The following KCND3 variants were observed in gnomAD, a reference collection of about 807,000 sequenced individuals.
KCND3 encodes the protein A-type voltage-gated potassium channel KCND3.
In KCND3, 9 loss-of-function variants were observed where a neutral mutation model predicts 51.1. The observed-to-expected ratio is 0.18, with a 90% CI of 0.11 to 0.31. The LOEUF is 0.31. Among genes scored for constraint, KCND3 ranks in the 10% least tolerant of loss-of-function variants. The probability of loss-of-function intolerance (pLI) is 1.00; values close to 1 mark genes in which losing one functional copy is unlikely to be tolerated. For synonymous variants in KCND3, 349 were observed against 368.0 expected (o/e 0.95, Z 0.59); for missense variants, 526 against 903.8 (o/e 0.58, Z 5.36).
Position 111,780,175 on chromosome 1 carries a change from AAGGGTC to A in KCND3, c.1461+44_1461+49del. The A allele has an allele frequency of 1.3e-6, 2 of 1,505,296 alleles. No individual in the cohort carries two copies. Among genetic ancestry groups the A allele is most frequent in the Non-Finnish European group, 1.8e-6 (2 of 1,104,922 alleles). 93.2% of individuals were successfully genotyped at this position (1,505,296 alleles called of 1,614,324 possible). On this transcript the variant is annotated intron_variant, in intron 5 of 7. Coordinates refer to ENST00000302127, the MANE Select transcript of KCND3 (RefSeq NM_001378969.1). The surrounding 1 kb of genome is among the most constrained non-coding windows in gnomAD (Gnocchi z 4.2). Reference sequence around the variant, plus strand: ...TGAAGATGTGAGTACAGCCTTAGAAAAGGGTCAGGGTCAGCGATGAAAAGGAGGTGG... The same window carrying A: ...TGAAGATGTGAGTACAGCCTTAGAAAAGGGTCAGCGATGAAAAGGAGGTGG...
chr1:111,848,456 C>A (rs1667662482), intron 2 of KCND3, among the ~76,000 whole-genome samples: 1 of 152,206 alleles, frequency 6.6e-6, no homozygotes, highest in Non-Finnish European at 1.5e-5. Context: ...TCCTGTCCCC[C>A]TCCCCTAGGT....
At chr1:111,894,220 C>T (rs1333972125) in intron 2 of KCND3, among the ~76,000 whole-genome samples, 7 of 152,184 alleles carry the variant, frequency 4.6e-5, no homozygotes, top group African/African-American at 7.2e-5. Context: ...TCCAGCCTCA[C>T]GGCCTCCCTC....
At chr1:111,831,434 C>T (rs981306981) in intron 2 of KCND3, among the ~76,000 whole-genome samples, 25 of 152,146 alleles carry the variant, frequency 1.6e-4, no homozygotes, top group African/African-American at 6.0e-4. Flanking sequence ...CTCCTGCTCC[C>T]ACCATGTAAG....
At chr1:111,933,960 C>A (rs1049097711) in intron 2 of KCND3, among the ~76,000 whole-genome samples, 12 of 152,198 alleles carry the variant, frequency 7.9e-5, no homozygotes, top group African/African-American at 2.9e-4. Context: ...AGGCACAGAT[C>A]AAGCATCTGT....
chr1:111,884,229 G>T (rs1373291), intron 2 of KCND3, among the ~76,000 whole-genome samples: 37,508 of 152,100 alleles, frequency 0.25, 4,874 homozygotes, highest in East Asian at 0.44. Context: ...CTTCTTTAAA[G>T]TTTCAACTCA....
At chr1:111,988,447 C>T (rs1011797217) in intron 1 of KCND3, among the ~76,000 whole-genome samples, 2 of 152,144 alleles carry the variant, frequency 1.3e-5, no homozygotes, top group Non-Finnish European at 2.9e-5. Context: ...TGTATACTTG[C>T]ATTTTGTTGC....
intron 2 of KCND3, among the ~76,000 whole-genome samples, chr1:111,887,696 A>G (rs1301168865): frequency 6.6e-6 from 1 of 152,206 alleles, no homozygotes; most frequent in Non-Finnish European, 1.5e-5. Flanking sequence ...GCCAGCATAT[A>G]GCTTTATCAA....
chr1:111,778,641 C>T (rs1444904197), intron 5 of KCND3, 149 bp from the exon 6 acceptor site: 2 of 793,786 alleles, frequency 2.5e-6, no homozygotes, highest in African/African-American at 1.7e-5. Flanking sequence ...ATTCTGCCCC[C>T]TTCCTCCCAA....
intron 2 of KCND3, among the ~76,000 whole-genome samples, chr1:111,977,942 A>C (rs1413488023): frequency 6.6e-6 from 1 of 152,166 alleles, no homozygotes; most frequent in African/African-American, 2.4e-5. Flanking sequence ...AATTATGAGG[A>C]TGGAAATTAA....
At chr1:111,927,066 A>C (rs891342318) in intron 2 of KCND3, among the ~76,000 whole-genome samples, 14 of 152,288 alleles carry the variant, frequency 9.2e-5, no homozygotes, top group African/African-American at 3.4e-4. Context: ...TCCTCACAAT[A>C]CTTCTGTGAG....
At chr1:111,784,875 G>A (rs898688078) in intron 3 of KCND3, among the ~76,000 whole-genome samples, 1 of 152,048 alleles carries the variant, frequency 6.6e-6, no homozygotes, top group Non-Finnish European at 1.5e-5. Context: ...GCGAGAGGAA[G>A]GAAGAAGCCT....
At chr1:111,881,570 G>A (rs1404944617) in intron 2 of KCND3, among the ~76,000 whole-genome samples, 3 of 152,174 alleles carry the variant, frequency 2.0e-5, no homozygotes, top group African/African-American at 2.4e-5. Context: ...TTTGTGCTAT[G>A]TCACCTCCAA....
intron 2 of KCND3, among the ~76,000 whole-genome samples, chr1:111,964,017 A>G (rs1361293313): frequency 6.6e-6 from 1 of 152,108 alleles, no homozygotes; most frequent in Non-Finnish European, 1.5e-5. Context: ...CTTTATCCCA[A>G]TCCTTAATCC....
rs557083940 is a variant in KCND3 at position 111,891,032 on chromosome 1, A to T, written c.1106+90589T>A. On this transcript the variant is annotated intron_variant, in intron 2 of 7. Coordinates refer to ENST00000302127, the MANE Select transcript of KCND3 (RefSeq NM_001378969.1). ...CAGGCTGCATGGCAGAGTGACTGAGACCACAGGTCTGGGCACCAGCCTGCC... is the reference window on the plus strand; with the variant it reads ...CAGGCTGCATGGCAGAGTGACTGAGTCCACAGGTCTGGGCACCAGCCTGCC... 2.0e-5 allele frequency among the ~76,000 whole-genome samples: 3 copies of T among 152,238 alleles called. No homozygotes were observed. In the South Asian group the frequency reaches 6.2e-4, roughly 32 times the overall value.
intron 5 of KCND3, among the ~76,000 whole-genome samples, chr1:111,778,882 C>A (rs36114821): frequency 2.0e-5 from 3 of 152,168 alleles, no homozygotes; most frequent in Admixed American, 6.5e-5. Context: ...TCCCTCAATT[C>A]TAAAATCTCA....
At chr1:111,904,089 T>G in intron 2 of KCND3, among the ~76,000 whole-genome samples, 1 of 61,744 alleles carries the variant, frequency 1.6e-5, no homozygotes, top group East Asian at 9.9e-4. Context: ...TGGAGGTTGG[T>G]TTTTTGTTTT....
intron 2 of KCND3, among the ~76,000 whole-genome samples, chr1:111,876,162 G>A (rs1025576305): frequency 6.6e-6 from 1 of 152,246 alleles, no homozygotes; most frequent in Non-Finnish European, 1.5e-5. Context: ...AAACTTTGGA[G>A]TGAACCAGTT....
At chr1:111,960,586 CA>C (rs773159859) in intron 2 of KCND3, among the ~76,000 whole-genome samples, 1 of 152,046 alleles carries the variant, frequency 6.6e-6, no homozygotes, top group African/African-American at 2.4e-5. Flanking sequence ...TGGCCAGGTA[CA>C]AAAAAACTGG....
chr1:111,814,512 G>A (rs1440440031), intron 2 of KCND3, among the ~76,000 whole-genome samples: 1 of 152,224 alleles, frequency 6.6e-6, no homozygotes, highest in Non-Finnish European at 1.5e-5. Flanking sequence ...CGAGCTCTGC[G>A]TATACCTTGC....
Sources: gnomAD v4.1 joint callset for allele counts (sites outside exome capture counted in the v4.1 genomes callset) on GRCh38, gnomAD v4.1.1 for gene constraint, Gnocchi (gnomAD v3.1) non-coding constraint, MANE v1.5 for transcripts, NCBI Gene and HGNC (gene_info 2026-07-23, HGNC 2026-07-21) for gene names.